Variants in COL6A3 observed in about 807,000 individuals in gnomAD.
COL6A3 encodes collagen alpha-3(VI) chain.
COL6A3 carries 137 observed loss-of-function variants against 274.1 expected under a neutral mutation model. The observed-to-expected ratio is 0.50, with a 90% CI of 0.44 to 0.58. The LOEUF is 0.58. COL6A3 is among the 20% of genes least tolerant of loss of function. The pLI is 0.00. For missense variants in COL6A3, 3,950 were observed against 4,124.9 expected (o/e 0.96, Z 1.16); for synonymous variants, 1,650 against 1,650.6 (o/e 1.00, Z 0.01).
intron 36 of COL6A3, chr2:237,342,815 G>A (rs566825204): frequency 6.5e-6 from 1 of 154,094 alleles, no homozygotes; most frequent in Non-Finnish European, 1.4e-5. Context: ...CCCCCATCAA[G>A]AGCACATGGC....
rs1315026472 is a variant in COL6A3, at chr2:237,366,937, G to A, written c.5250C>T (p.Ile1750=). 6.2e-7 allele frequency: 1 copy of A among 1,614,226 alleles called. No homozygotes were observed. Among genetic ancestry groups the A allele is most frequent in the Non-Finnish European group, 8.5e-7 (1 of 1,180,038 alleles). ...CATCTTCCACCGACTTTCCTCCCGT[G>A]ATCACAAAGGCAATCTGAGGGACCC... is the stretch of plus-strand genomic sequence containing the variant. ...DQRVPQIAFV[I]TGGKSVEDAQ... is the part of the protein sequence containing the mutation. The change falls in exon 11 of 44, where the codon ATC becomes ATT. Residue 1750 remains isoleucine, a synonymous_variant. Coordinates refer to ENST00000295550, the MANE Select transcript of COL6A3 (RefSeq NM_004369.4).
At position 237,407,773 on chromosome 2, in the gene COL6A3, A is replaced by C. The variant is rs1220622295; in HGVS notation, c.-31+6180T>G. ...TGTAAAACACATTCCACATTCTGAA[A>C]TATACGGCAGCCAGACAAGATTTTG... On this transcript the variant is annotated intron_variant, in intron 1 of 43. Coordinates refer to ENST00000295550, the MANE Select transcript of COL6A3 (RefSeq NM_004369.4). This position sits in a 1 kb window ranked among gnomAD's most constrained non-coding sequence, Gnocchi z 4.3. Among the ~76,000 whole-genome samples the C allele has an allele frequency of 2.6e-5, 4 of 152,258 alleles. No homozygotes were observed. Among genetic ancestry groups the C allele is most frequent in the African/African-American group, 9.6e-5 (4 of 41,472 alleles).
intron 36 of COL6A3, chr2:237,343,076 G>T (rs2077022434): frequency 6.6e-6 from 1 of 152,252 alleles, no homozygotes. Context: ...TACTTTAAAT[G>T]GGTGGGGGGA....
intron 11 of COL6A3, 130 bp downstream of exon 11, chr2:237,366,557 T>A: frequency 1.5e-6 from 2 of 1,358,708 alleles, no homozygotes; most frequent in South Asian, 2.4e-5. Context: ...CCAGTCCCAG[T>A]GGGTATAAGT....
intron 1 of COL6A3, among the ~76,000 whole-genome samples, chr2:237,398,125 C>A (rs768456337): frequency 2.0e-5 from 3 of 152,254 alleles, no homozygotes; most frequent in Non-Finnish European, 4.4e-5. Context: ...GGGACCATGT[C>A]AAGCCTTGTC....
chr2:237,366,674 T>C lies in COL6A3; in HGVS notation c.5500+13A>G, dbSNP rs768245884. 1.2e-6 allele frequency: 2 copies of C among 1,614,144 alleles called. No homozygotes were observed. Among genetic ancestry groups the C allele is most frequent in the South Asian group, 1.1e-5 (1 of 91,078 alleles). On this transcript the variant is annotated intron_variant, in intron 11 of 43. Coordinates refer to ENST00000295550, the MANE Select transcript of COL6A3 (RefSeq NM_004369.4). Reference sequence around the variant, plus strand: ...CAGGAAAGGATGGAAAATATGCACATAATGGGAGTTACCTTTGGCAGCATC... The same window carrying C: ...CAGGAAAGGATGGAAAATATGCACACAATGGGAGTTACCTTTGGCAGCATC...
chr2:237,408,890 T>C (rs1475133201), intron 1 of COL6A3, among the ~76,000 whole-genome samples: 1 of 152,200 alleles, frequency 6.6e-6, no homozygotes, highest in East Asian at 1.9e-4. Flanking sequence ...CTCCTTTTTC[T>C]TTCCAGATTT....
At chr2:237,389,383 C>T (rs1245139352) in intron 3 of COL6A3, among the ~76,000 whole-genome samples, 1 of 152,124 alleles carries the variant, frequency 6.6e-6, no homozygotes, top group Non-Finnish European at 1.5e-5. Flanking sequence ...TGAGCTTGAG[C>T]TTATCTATTT....
At chr2:237,410,299 T>C (rs1297964649) in intron 1 of COL6A3, among the ~76,000 whole-genome samples, 1 of 146,354 alleles carries the variant, frequency 6.8e-6, no homozygotes, top group Non-Finnish European at 1.5e-5. Context: ...AAATTTCTTT[T>C]CTTTTTTTTT....
intron 25 of COL6A3, 97 bp downstream of exon 25, chr2:237,353,244 A>C (rs762083439): frequency 1.4e-5 from 17 of 1,213,900 alleles, no homozygotes; most frequent in African/African-American, 3.0e-5. Context: ...TGTTCACTTT[A>C]AAATGGTTAA....
chr2:237,338,948 G>T, intron 39 of COL6A3, 67 bp downstream of exon 39: 2 of 1,223,500 alleles, frequency 1.6e-6, no homozygotes, highest in Non-Finnish European at 2.4e-6. Context: ...AAGTCAGGAG[G>T]TGGTTGGAGG....
At chr2:237,358,496 A>T in intron 21 of COL6A3, 25 bp downstream of exon 21, 1 of 1,605,006 alleles carries the variant, frequency 6.2e-7, no homozygotes, top group Non-Finnish European at 8.5e-7. Flanking sequence ...CTCAGGTCTG[A>T]AATCGTCAAT....
At position 237,359,402 on chromosome 2, in the gene COL6A3, C is replaced by T. The variant is rs373442871; in HGVS notation, c.6283-14G>A. On this transcript the variant is annotated splice_polypyrimidine_tract_variant and intron_variant, in intron 17 of 43. Coordinates refer to ENST00000295550, the MANE Select transcript of COL6A3 (RefSeq NM_004369.4). ...TCCCCGAGAGCCCTAGAAGGCAAGG[C>T]GATAGGGGAAGCATTAGCTTTTCCT... is the stretch of plus-strand genomic sequence containing the variant. 33 of 1,613,544 alleles carry T rather than the reference C, an allele frequency of 2.0e-5. No homozygotes were observed. Among genetic ancestry groups the T allele is most frequent in the African/African-American group, 1.3e-4 (10 of 74,914 alleles).
intron 1 of COL6A3, among the ~76,000 whole-genome samples, chr2:237,412,649 GT>G (rs1196678452): frequency 6.6e-6 from 1 of 152,228 alleles, no homozygotes; most frequent in African/African-American, 2.4e-5. Context: ...TTTCAATATA[GT>G]TTTGCTTAGG....
chr2:237,351,259 C>G lies in COL6A3; in HGVS notation c.6754-67G>C. 5.4e-6 allele frequency: 8 copies of G among 1,469,402 alleles called. No individual in the cohort carries two copies. In the Admixed American group the frequency reaches 6.7e-5, roughly 12 times the overall value. 91.0% of individuals were successfully genotyped at this position (1,469,402 alleles called of 1,614,324 possible). A position where few individuals can be genotyped will look rare whatever the true frequency, so the allele number is the denominator to read the frequency against. On this transcript the variant is annotated intron_variant, in intron 26 of 43. Coordinates refer to ENST00000295550, the MANE Select transcript of COL6A3 (RefSeq NM_004369.4). ...CGTCCAGGCAAATTGGTCTCTGAAA[C>G]CTGACTCTCCCCTGCATGGAAGTCA...
At chr2:237,390,138 G>A (rs1318426901) in intron 3 of COL6A3, among the ~76,000 whole-genome samples, 2 of 152,176 alleles carry the variant, frequency 1.3e-5, no homozygotes, top group Non-Finnish European at 2.9e-5. Context: ...TTAAAAGAAG[G>A]ATTAAATATG....
At chr2:237,411,227 G>C (rs1045093982) in intron 1 of COL6A3, among the ~76,000 whole-genome samples, 1 of 152,164 alleles carries the variant, frequency 6.6e-6, no homozygotes, top group Non-Finnish European at 1.5e-5. Flanking sequence ...CTTCCAAAAA[G>C]AGCAGTGACA....
Position 237,344,114 on chromosome 2 carries a change from C to G in COL6A3, c.7668+236G>C. The G allele has an allele frequency of 1.6e-6, 1 of 626,860 alleles. No homozygotes were observed. The highest frequency in any genetic ancestry group is 1.8e-5 in the South Asian group (1 of 55,592). The allele number at this position is 626,860 out of a possible 1,614,324, so 38.8% of individuals were successfully genotyped here. On this transcript the variant is annotated intron_variant, in intron 36 of 43. Coordinates refer to ENST00000295550, the MANE Select transcript of COL6A3 (RefSeq NM_004369.4). This position sits in a 1 kb window ranked among gnomAD's most constrained non-coding sequence, Gnocchi z 4.8. ...AGCATCACTAACCGGCAAGAGCTGT[C>G]AACATGTGAGGAGGGACCTGGGGGC...
chr2:237,392,864 C>T (rs1434169552), intron 3 of COL6A3, among the ~76,000 whole-genome samples: 3 of 152,224 alleles, frequency 2.0e-5, no homozygotes, highest in Non-Finnish European at 4.4e-5. Flanking sequence ...AGTTCCTACA[C>T]ATCTGAGGAC....
Sources: gnomAD v4.1 joint callset for allele counts (sites outside exome capture counted in the v4.1 genomes callset) on GRCh38, gnomAD v4.1.1 for gene constraint, Gnocchi (gnomAD v3.1) non-coding constraint, MANE v1.5 for transcripts, NCBI Gene and HGNC (gene_info 2026-07-23, HGNC 2026-07-21) for gene names.